CABCOCO1: variants seen among roughly 807,000 people sequenced by gnomAD.
CABCOCO1 encodes the protein ciliary associated calcium binding coiled-coil 1.
Under a neutral mutation model 35.7 loss-of-function variants are expected in CABCOCO1, and 28 were observed. That is an observed-to-expected ratio of 0.78 (90% CI 0.58 to 1.07). CABCOCO1 has a LOEUF of 1.07. Ranked by LOEUF, CABCOCO1 falls within the 50% of genes least tolerant of loss-of-function variation. The pLI is 0.00. For synonymous variants in CABCOCO1, 95 were observed against 100.1 expected (o/e 0.95, Z 0.30); for missense variants, 326 against 309.2 (o/e 1.05, Z -0.41).
intron 5 of CABCOCO1, among the ~76,000 whole-genome samples, chr10:61,728,989 A>G (rs1001280700): frequency 4.6e-5 from 7 of 152,186 alleles, no homozygotes; most frequent in Non-Finnish European, 1.0e-4. Context: ...AAAAGTAAAT[A>G]TATCAAAAAA....
intron 2 of CABCOCO1, among the ~76,000 whole-genome samples, chr10:61,675,781 C>T (rs942472166): frequency 6.6e-6 from 1 of 151,308 alleles, no homozygotes; most frequent in Admixed American, 6.6e-5. Flanking sequence ...AGAACTAAGG[C>T]AAGAAACTAA....
intron 5 of CABCOCO1, among the ~76,000 whole-genome samples, chr10:61,692,208 T>G (rs1254398107): frequency 6.6e-6 from 1 of 152,202 alleles, no homozygotes; most frequent in East Asian, 1.9e-4. Flanking sequence ...AGATTGTATC[T>G]CATTGTGGGT....
chr10:61,753,880 C>A (rs1353609968), intron 5 of CABCOCO1, among the ~76,000 whole-genome samples: 1 of 152,084 alleles, frequency 6.6e-6, no homozygotes, highest in Non-Finnish European at 1.5e-5. Flanking sequence ...TATATGGAAA[C>A]AGAGTGATAG....
At chr10:61,751,235 T>C (rs1841776498) in intron 5 of CABCOCO1, among the ~76,000 whole-genome samples, 1 of 146,642 alleles carries the variant, frequency 6.8e-6, no homozygotes, top group Non-Finnish European at 1.5e-5. Context: ...TTTTTTTTTT[T>C]TCATATAACA....
At chr10:61,739,804 T>C (rs1841508901) in intron 5 of CABCOCO1, among the ~76,000 whole-genome samples, 1 of 152,024 alleles carries the variant, frequency 6.6e-6, no homozygotes, top group African/African-American at 2.4e-5. Context: ...TAGCCAGGCA[T>C]GGTGGCACGT....
At chr10:61,737,880 A>C (rs1841457627) in intron 5 of CABCOCO1, among the ~76,000 whole-genome samples, 1 of 152,076 alleles carries the variant, frequency 6.6e-6, no homozygotes, top group African/African-American at 2.4e-5. Flanking sequence ...TGGGTGATGT[A>C]ATAATATGTA....
In CABCOCO1 at chr10:61,739,980, G is replaced by T. The variant is rs569120616; in HGVS notation, c.553-20079G>T. Among the ~76,000 whole-genome samples, 7 of 152,164 alleles carry T rather than the reference G, an allele frequency of 4.6e-5. No individual in the cohort carries two copies. In the South Asian group the frequency reaches 1.5e-3, roughly 32 times the overall value. The stretch of plus-strand genomic sequence containing the variant: ...TAAAGGAAATTTAACATAGAAGTTG[G>T]TAACTACTTGGATATAAACGACTTG... On this transcript the variant is annotated intron_variant, in intron 5 of 7. Coordinates refer to ENST00000648843, the MANE Select transcript of CABCOCO1 (RefSeq NM_001366906.2).
chr10:61,671,132 C>T (rs1309491583), intron 1 of CABCOCO1, among the ~76,000 whole-genome samples: 1 of 152,162 alleles, frequency 6.6e-6, no homozygotes, highest in Non-Finnish European at 1.5e-5. Flanking sequence ...CGAGATCATC[C>T]TGGCAAACAC....
chr10:61,679,528 T>TA (rs113928072), intron 2 of CABCOCO1, among the ~76,000 whole-genome samples: 4 of 151,914 alleles, frequency 2.6e-5, no homozygotes, highest in Non-Finnish European at 4.4e-5. Flanking sequence ...CCTTACCAAT[T>TA]AAAAAAAATA....
intron 3 of CABCOCO1, among the ~76,000 whole-genome samples, chr10:61,682,905 A>G (rs973285005): frequency 1.2e-4 from 2 of 16,262 alleles, no homozygotes; most frequent in East Asian, 1.0e-3. Context: ...TTTTTTTTTT[A>G]AGACAGATTG....
intron 5 of CABCOCO1, among the ~76,000 whole-genome samples, chr10:61,740,028 T>G (rs1841515174): frequency 6.6e-6 from 1 of 152,168 alleles, no homozygotes; most frequent in Admixed American, 6.5e-5. Context: ...AAACCAAAAT[T>G]TGCACACATT....
chr10:61,739,457 C>A (rs142891935), intron 5 of CABCOCO1, among the ~76,000 whole-genome samples: 4 of 151,986 alleles, frequency 2.6e-5, no homozygotes, highest in Non-Finnish European at 5.9e-5. Flanking sequence ...TTATAAACAG[C>A]AATTTAGATT....
chr10:61,667,648 A>G (rs1005312802), intron 1 of CABCOCO1, among the ~76,000 whole-genome samples: 2 of 151,808 alleles, frequency 1.3e-5, no homozygotes, highest in African/African-American at 4.8e-5. Context: ...TAATTCAATC[A>G]AGTTTTTACC....
chr10:61,735,176 C>A lies in CABCOCO1; in HGVS notation c.553-24883C>A, dbSNP rs975792403. On this transcript the variant is annotated intron_variant, in intron 5 of 7. Transcript: ENST00000648843. ...TTCCCTCAAAACAATCCAGGATGAA[C>A]CCCCAAAAGCCATTTATAAAGTAAG... 2.6e-5 allele frequency among the ~76,000 whole-genome samples: 4 copies of A among 151,998 alleles called. No homozygotes were observed. In the South Asian group the frequency reaches 8.3e-4, roughly 32 times the overall value.
chr10:61,663,879 A>C (rs1274820658), intron 1 of CABCOCO1, among the ~76,000 whole-genome samples: 2 of 152,022 alleles, frequency 1.3e-5, no homozygotes, highest in East Asian at 3.8e-4. Context: ...GTTCCTAGGA[A>C]GTTTTTTTTC....
At chr10:61,713,452 G>T (rs955855779) in intron 5 of CABCOCO1, among the ~76,000 whole-genome samples, 1 of 152,214 alleles carries the variant, frequency 6.6e-6, no homozygotes, top group Admixed American at 6.5e-5. Context: ...CATGTCAACT[G>T]CAAACAGGGA....
intron 5 of CABCOCO1, chr10:61,701,702 T>G: frequency 1.0e-6 from 1 of 984,854 alleles, no homozygotes; most frequent in Non-Finnish European, 1.2e-6. Context: ...TGTCCAGATA[T>G]GCATGCCTAA....
intron 4 of CABCOCO1, 102 bp downstream of exon 4, chr10:61,686,287 C>G (rs1832837402): frequency 9.6e-7 from 1 of 1,036,874 alleles, no homozygotes; most frequent in African/African-American, 1.7e-5. Context: ...CAGATATTTA[C>G]AGAATTTATG....
chr10:61,738,955 G>A (rs1364854825), intron 5 of CABCOCO1, among the ~76,000 whole-genome samples: 1 of 152,046 alleles, frequency 6.6e-6, no homozygotes, highest in African/African-American at 2.4e-5. Context: ...ATATGCAAAT[G>A]GACATTGCTA....
Sources: gnomAD v4.1 joint callset for allele counts (sites outside exome capture counted in the v4.1 genomes callset) on GRCh38, gnomAD v4.1.1 for gene constraint, MANE v1.5 for transcripts, NCBI Gene and HGNC (gene_info 2026-07-23, HGNC 2026-07-21) for gene names.